The following DST variants were observed in gnomAD, a reference collection of about 807,000 sequenced individuals.
DST encodes bullous pemphigoid antigen.
In DST, 253 loss-of-function variants were observed where a neutral mutation model predicts 875.2. The observed-to-expected ratio is 0.29, with a 90% confidence interval of 0.26 to 0.32. The LOEUF is 0.32. DST is among the 10% of genes least tolerant of loss of function. DST has a pLI of 1.00. For synonymous variants in DST, 3,124 were observed against 3,197.1 expected (o/e 0.98, Z 0.77); for missense variants, 8,287 against 9,111.6 (o/e 0.91, Z 3.68).
intron 4 of DST, among the ~76,000 whole-genome samples, chr6:56,738,968 C>A (rs2099536582): frequency 6.6e-6 from 1 of 151,714 alleles, no homozygotes; most frequent in African/African-American, 2.4e-5. Context: ...AACCCCCAGG[C>A]ACTTTGCTTA....
chr6:56,536,997 TATA>T (rs1315033308), intron 61 of DST, 57 bp from the exon 62 acceptor site: 2 of 1,481,114 alleles, frequency 1.4e-6, no homozygotes, highest in African/African-American at 2.8e-5. Flanking sequence ...CCGCCAAATA[TATA>T]ATAAGCATTT....
chr6:56,620,181 C>T lies in DST; in HGVS notation c.4929+4349G>A, dbSNP rs138949781. 233 of 1,613,540 alleles carry T rather than the reference C, an allele frequency of 1.4e-4. 1 individual carries two copies. Among genetic ancestry groups the T allele is most frequent in the Non-Finnish European group, 1.9e-5 (23 of 1,179,942 alleles). On this transcript the variant is annotated intron_variant, in intron 36 of 103. Coordinates refer to ENST00000680361, the MANE Select transcript of DST (RefSeq NM_001374736.1). ...TGCTTTATCAGCTTCAAGAGTTCTT[C>T]CTCATTGTCTCTCTTTCTTCTTAAT...
At chr6:56,721,383 G>T (rs2099415892) in intron 5 of DST, among the ~76,000 whole-genome samples, 1 of 152,252 alleles carries the variant, frequency 6.6e-6, no homozygotes, top group Non-Finnish European at 1.5e-5. Flanking sequence ...GTAAAGACAG[G>T]CCTAGCAAAT....
chr6:56,844,652 A>G (rs570447458), intron 4 of DST, among the ~76,000 whole-genome samples: 5 of 152,210 alleles, frequency 3.3e-5, no homozygotes, highest in Non-Finnish European at 7.4e-5. Context: ...AGGCGGGTGG[A>G]TCACGAGGTC....
chr6:56,895,026 G>A (rs1214790268), intron 3 of DST, among the ~76,000 whole-genome samples: 1 of 112,608 alleles, frequency 8.9e-6, no homozygotes, highest in Non-Finnish European at 1.8e-5. Context: ...TGGCCGGGCG[G>A]GGGGTTGACC....
At chr6:56,487,357 A>C in intron 86 of DST, 84 bp from the exon 87 acceptor site, 1 of 1,200,094 alleles carries the variant, frequency 8.3e-7, no homozygotes, top group South Asian at 2.0e-5. Context: ...CATCCCTAAT[A>C]AATGGAGATG....
At chr6:56,584,673 G>C (rs1174034870) in intron 49 of DST, among the ~76,000 whole-genome samples, 2 of 151,912 alleles carry the variant, frequency 1.3e-5, no homozygotes, top group Non-Finnish European at 2.9e-5. Flanking sequence ...TCTTGTGCCA[G>C]TTTTCAAAGG....
chr6:56,878,130 G>C (rs1312983038), intron 3 of DST, among the ~76,000 whole-genome samples: 3 of 152,216 alleles, frequency 2.0e-5, no homozygotes, highest in Non-Finnish European at 1.5e-5. Context: ...ACACAGATTA[G>C]AGCAACATGA....
chr6:56,737,953 G>C (rs1276574201), intron 4 of DST, among the ~76,000 whole-genome samples: 1 of 152,166 alleles, frequency 6.6e-6, no homozygotes, highest in African/African-American at 2.4e-5. Context: ...GGAAATTTTA[G>C]TAAAGTGATA....
intron 4 of DST, among the ~76,000 whole-genome samples, chr6:56,741,695 T>G (rs2099547323): frequency 2.0e-5 from 3 of 152,354 alleles, no homozygotes; most frequent in South Asian, 4.1e-4. Flanking sequence ...AGTCTCATAA[T>G]GGTTCTTTAT....
In DST at chr6:56,917,009, A is replaced by AAAAAC. The variant is rs1562395093; in HGVS notation, c.217-16389_217-16388insGTTTT. ...TGCTAAAAAAAAAAAAAAAAAAAAA[A>AAAAAC]AAAAAAAAGACAGGCAGAGGCTCCT... On this transcript the variant is annotated intron_variant, in intron 2 of 103. Coordinates refer to ENST00000680361, the MANE Select transcript of DST (RefSeq NM_001374736.1). Among the ~76,000 whole-genome samples the AAAAAC allele has an allele frequency of 2.9e-3, 292 of 99,916 alleles. 3 individuals are homozygous for AAAAAC. Among genetic ancestry groups the AAAAAC allele is most frequent in the East Asian group, 0.026 (133 of 5,024 alleles). The allele number at this position is 99,916 out of a possible 152,430, so 65.5% of individuals were successfully genotyped here.
chr6:56,707,970 C>G (rs1216514719), intron 5 of DST, among the ~76,000 whole-genome samples: 1 of 152,140 alleles, frequency 6.6e-6, no homozygotes, highest in Admixed American at 6.5e-5. Flanking sequence ...GAGTTTAAGA[C>G]CAACCTGGCT....
chr6:56,573,518 T>C (rs2097809985), intron 51 of DST, among the ~76,000 whole-genome samples, 161 bp downstream of exon 51: 1 of 152,180 alleles, frequency 6.6e-6, no homozygotes, highest in Admixed American at 6.5e-5. Context: ...ATAAACCATT[T>C]TACACACTTG....
intron 5 of DST, among the ~76,000 whole-genome samples, chr6:56,705,111 C>A (rs1488671844): frequency 2.6e-5 from 4 of 152,180 alleles, no homozygotes; most frequent in African/African-American, 9.7e-5. Flanking sequence ...GTTTAGCCTG[C>A]CAAGTAGGGA....
At chr6:56,756,494 A>G (rs2099603831) in intron 4 of DST, among the ~76,000 whole-genome samples, 2 of 152,148 alleles carry the variant, frequency 1.3e-5, no homozygotes, top group African/African-American at 4.8e-5. Flanking sequence ...CCAGGCATCC[A>G]AGACAGAAAA....
intron 62 of DST, among the ~76,000 whole-genome samples, chr6:56,535,515 C>T (rs1218395662): frequency 6.6e-6 from 1 of 152,180 alleles, no homozygotes; most frequent in Non-Finnish European, 1.5e-5. Flanking sequence ...TCACAGTCAA[C>T]ATAGAGCACT....
At chr6:56,685,379 G>A (rs932950952) in intron 9 of DST, among the ~76,000 whole-genome samples, 4 of 151,996 alleles carry the variant, frequency 2.6e-5, no homozygotes, top group East Asian at 1.9e-4. Context: ...TCATACAAGC[G>A]GCCAACAAAC....
At position 56,634,620 on chromosome 6, in the gene DST, G is replaced by A; in HGVS notation, c.3340-4C>T. 6.2e-7 allele frequency: 1 copy of A among 1,614,016 alleles called. No individual in the cohort carries two copies. Among genetic ancestry groups the A allele is most frequent in the Non-Finnish European group, 8.5e-7 (1 of 1,179,932 alleles). On this transcript the variant is annotated splice_region_variant and splice_polypyrimidine_tract_variant and intron_variant, in intron 25 of 103. Transcript: ENST00000680361. ...CATCGTCTTTGTAAATGGTTATCTG[G>A]TTTAAAATAAAGAGCAGAATAACTC...
chr6:56,857,150 T>C lies in DST; in HGVS notation c.418-5546A>G, dbSNP rs568769676. On this transcript the variant is annotated intron_variant, in intron 3 of 103. Coordinates refer to ENST00000680361, the MANE Select transcript of DST (RefSeq NM_001374736.1). ...CCTCAACCTCTCGAGTAGCTGGGTCTACAGGCACATGCTACCACACCGGGC... is the reference window on the plus strand; with the variant it reads ...CCTCAACCTCTCGAGTAGCTGGGTCCACAGGCACATGCTACCACACCGGGC... 1.6e-4 allele frequency among the ~76,000 whole-genome samples: 24 copies of C among 152,218 alleles called. No homozygotes were observed. In the East Asian group the frequency reaches 4.6e-3, roughly 29 times the overall value.
Sources: gnomAD v4.1 joint callset for allele counts (sites outside exome capture counted in the v4.1 genomes callset) on GRCh38, gnomAD v4.1.1 for gene constraint, MANE v1.5 for transcripts, NCBI Gene and HGNC (gene_info 2026-07-23, HGNC 2026-07-21) for gene names.